The following TNN variants were observed in gnomAD, a reference collection of about 807,000 sequenced individuals.
TNN encodes the protein tenascin-N.
In TNN, 122 loss-of-function variants were observed where a neutral mutation model predicts 134.4. That is an observed-to-expected ratio of 0.91 (90% CI 0.78 to 1.06). The LOEUF (loss-of-function observed/expected upper bound fraction) is 1.06, where lower values mean the gene tolerates loss of function less well. TNN is among the 50% of genes least tolerant of loss of function. The probability of loss-of-function intolerance (pLI) is 0.00; values close to 1 mark genes in which losing one functional copy is unlikely to be tolerated. For missense variants in TNN, 1,739 were observed against 1,699.4 expected (o/e 1.02, Z -0.41); for synonymous variants, 710 against 670.3 (o/e 1.06, Z -0.91).
At chr1:175,090,414 G>T (rs12075389) in intron 6 of TNN, among the ~76,000 whole-genome samples, 83,265 of 151,842 alleles carry the variant, frequency 0.55, 23,429 homozygotes, top group African/African-American at 0.69. Context: ...ACCTCTTCCA[G>T]GAACCCACCT....
intron 17 of TNN, among the ~76,000 whole-genome samples, chr1:175,143,982 T>G (rs10489328): frequency 0.79 from 120,599 of 151,708 alleles, 48,106 homozygotes; most frequent in Admixed American, 0.84. Flanking sequence ...TGAAGGGATT[T>G]CCAAACATGG....
intron 17 of TNN, among the ~76,000 whole-genome samples, chr1:175,141,231 A>G (rs1675938411): frequency 6.6e-6 from 1 of 152,228 alleles, no homozygotes; most frequent in Non-Finnish European, 1.5e-5. Flanking sequence ...TATGAGCTCC[A>G]CCATTAAGAT....
intron 2 of TNN, 142 bp from the exon 3 acceptor site, chr1:175,079,191 A>C (rs1674126793): frequency 1.9e-6 from 2 of 1,059,222 alleles, no homozygotes; most frequent in East Asian, 3.0e-5. Context: ...CCTCCAAAAA[A>C]TAGCCGTGCA....
intron 14 of TNN, 121 bp from the exon 15 acceptor site, chr1:175,128,474 G>A: frequency 1.2e-5 from 15 of 1,239,816 alleles, no homozygotes; most frequent in Non-Finnish European, 1.7e-5. Context: ...GTTGGAAGAA[G>A]CTGAAGTAGG....
chr1:175,094,560 T>C (rs1466937520), intron 7 of TNN, among the ~76,000 whole-genome samples: 2 of 152,220 alleles, frequency 1.3e-5, no homozygotes, highest in Admixed American at 1.3e-4. Flanking sequence ...ACTCAAAACA[T>C]TGGGCTGACA....
intron 17 of TNN, among the ~76,000 whole-genome samples, chr1:175,138,800 G>A (rs1443888960): frequency 6.6e-6 from 1 of 152,150 alleles, no homozygotes; most frequent in Non-Finnish European, 1.5e-5. Context: ...TCATCATTGT[G>A]CAAACATCAT....
In TNN at chr1:175,079,802, C is replaced by A. The variant is rs564269163; in HGVS notation, c.784+95C>A. On this transcript the variant is annotated intron_variant, in intron 3 of 18. Transcript: ENST00000239462. ...ACGTTGTCATCTTTGGGGGTCTCTT[C>A]CTTTAGCCTACGCCAGATTGCTGAG... 2.1e-6 allele frequency: 3 copies of A among 1,439,662 alleles called. No homozygotes were observed. In the South Asian group the frequency reaches 4.3e-5, roughly 21 times the overall value. The allele number at this position is 1,439,662 out of a possible 1,614,324, so 89.2% of individuals were successfully genotyped here. A position where few individuals can be genotyped will look rare whatever the true frequency, so the allele number is the denominator to read the frequency against.
At chr1:175,090,454 G>A (rs769409499) in intron 6 of TNN, among the ~76,000 whole-genome samples, 3 of 150,402 alleles carry the variant, frequency 2.0e-5, no homozygotes, top group Non-Finnish European at 3.0e-5. Flanking sequence ...CCTGCCCCCC[G>A]TGTCTTCCTC....
At chr1:175,116,353 C>T (rs1308273086) in intron 9 of TNN, among the ~76,000 whole-genome samples, 1 of 152,136 alleles carries the variant, frequency 6.6e-6, no homozygotes, top group Non-Finnish European at 1.5e-5. Context: ...AGCCCCTTTG[C>T]TACATATCAT....
chr1:175,089,654 G>A (rs142189892), intron 6 of TNN, among the ~76,000 whole-genome samples: 319 of 152,236 alleles, frequency 2.1e-3, no homozygotes, highest in African/African-American at 7.2e-3. Context: ...TTATGATGAT[G>A]GTATTCTGTT....
At chr1:175,085,611 AC>A (rs1674306732) in intron 6 of TNN, 117 bp downstream of exon 6, 2 of 760,006 alleles carry the variant, frequency 2.6e-6, no homozygotes, top group Admixed American at 2.1e-5. Context: ...GGGGTGGCTC[AC>A]GCCTGTAATC....
chr1:175,143,939 G>A (rs962077613), intron 17 of TNN, among the ~76,000 whole-genome samples: 5 of 152,166 alleles, frequency 3.3e-5, no homozygotes, highest in Non-Finnish European at 7.3e-5. Context: ...GTGTATGTGA[G>A]TGACCTGCAG....
intron 1 of TNN, among the ~76,000 whole-genome samples, chr1:175,071,789 A>C (rs750675710): frequency 1.3e-5 from 2 of 152,198 alleles, no homozygotes; most frequent in Non-Finnish European, 2.9e-5. Context: ...GACTCCCAGG[A>C]CTTTGAGGAT....
intron 1 of TNN, among the ~76,000 whole-genome samples, chr1:175,075,496 A>G (rs1458794237): frequency 2.0e-5 from 3 of 152,118 alleles, no homozygotes; most frequent in African/African-American, 7.2e-5. Context: ...AGGTTTCACC[A>G]TGTTGGCCAG....
chr1:175,103,306 C>T lies in TNN; in HGVS notation c.2119+4711C>T, dbSNP rs186388814. 9.6e-5 allele frequency among the ~76,000 whole-genome samples: 14 copies of T among 146,354 alleles called. 3 individuals are homozygous for T. The East Asian group carries it at 1.8e-3, about 19-fold the overall frequency. On this transcript the variant is annotated intron_variant, in intron 9 of 18. Coordinates refer to ENST00000239462, the MANE Select transcript of TNN (RefSeq NM_022093.2). ...GGGCAGCATCTCATACTATCCCCGA[C>T]TGGTTAGTGTAAAAACAACATTCTT...
chr1:175,111,328 G>A (rs1365825646), intron 9 of TNN, among the ~76,000 whole-genome samples: 3 of 149,664 alleles, frequency 2.0e-5, no homozygotes, highest in East Asian at 3.9e-4. Context: ...CAAAACAAAA[G>A]CAAAAATAAT....
intron 9 of TNN, among the ~76,000 whole-genome samples, chr1:175,099,642 GGAGAGGTGAGGGGTCAGGAGGAA>G (rs1674668780): frequency 1.1e-5 from 1 of 94,458 alleles, no homozygotes; most frequent in South Asian, 3.3e-4. Flanking sequence ...GTCAGGAGGA[GGAGAGGTGAGGGGTCAGGAGGAA>G]GCGAAGTGAA....
At chr1:175,115,688 G>A (rs114441171) in intron 9 of TNN, among the ~76,000 whole-genome samples, 4,132 of 152,204 alleles carry the variant, frequency 0.027, 205 homozygotes, top group African/African-American at 0.094. Context: ...AGACGGTGTA[G>A]TACAATAGCC....
In TNN at chr1:175,123,380, T is replaced by C; in HGVS notation, c.2651-20T>C. 7.4e-6 allele frequency: 12 copies of C among 1,612,926 alleles called. No individual in the cohort carries two copies. Among genetic ancestry groups the C allele is most frequent in the Non-Finnish European group, 1.0e-5 (12 of 1,179,626 alleles). On this transcript the variant is annotated intron_variant, in intron 11 of 18. Coordinates refer to ENST00000239462, the MANE Select transcript of TNN (RefSeq NM_022093.2). Reference sequence around the variant, plus strand: ...TTCCTTTGTTCTAAAGTTCAGCCTTTTCTAAATCTTTTTAAAAAGAAATTG... The same window carrying C: ...TTCCTTTGTTCTAAAGTTCAGCCTTCTCTAAATCTTTTTAAAAAGAAATTG...
Sources: gnomAD v4.1 joint callset for allele counts (sites outside exome capture counted in the v4.1 genomes callset) on GRCh38, gnomAD v4.1.1 for gene constraint, MANE v1.5 for transcripts, NCBI Gene and HGNC (gene_info 2026-07-23, HGNC 2026-07-21) for gene names.